Variants in ATP5F1C observed in about 807,000 individuals in gnomAD.
The protein encoded by ATP5F1C is ATP synthase F1 subunit gamma.
Under a neutral mutation model 37.4 loss-of-function variants are expected in ATP5F1C, and 22 were observed. The observed-to-expected ratio is 0.59, with a 90% CI of 0.42 to 0.84. The LOEUF (loss-of-function observed/expected upper bound fraction) is 0.84. ATP5F1C is among the 40% of genes least tolerant of loss of function. ATP5F1C has a pLI of 0.00. For synonymous variants in ATP5F1C, 121 were observed against 128.0 expected, an observed-to-expected ratio of 0.95 and a Z score of 0.37; for missense variants, 286 against 362.4, an observed-to-expected ratio of 0.79 and a Z score of 1.71.
Position 7,798,947 on chromosome 10 carries a change from T to A in ATP5F1C, c.224-43T>A, listed in dbSNP as rs745322141. The A allele has an allele frequency of 4.6e-6, 7 of 1,518,734 alleles. No individual in the cohort carries two copies. The East Asian group carries it at 1.6e-4, about 34-fold the overall frequency. The allele number at this position is 1,518,734 out of a possible 1,614,324, so 94.1% of individuals were successfully genotyped here. A position where few individuals can be genotyped will look rare whatever the true frequency, so the allele number is the denominator to read the frequency against. On this transcript the variant is annotated intron_variant, in intron 3 of 9. Coordinates refer to ENST00000356708, the MANE Select transcript of ATP5F1C (RefSeq NM_001001973.3). ...TAAATTAGAGATTTATTGTATTTAGTGTATTGCATATAAAAAAATTACTGC... is the reference window on the plus strand; with the variant it reads ...TAAATTAGAGATTTATTGTATTTAGAGTATTGCATATAAAAAAATTACTGC...
At chr10:7,800,795 G>A (rs1190393612) in intron 6 of ATP5F1C, among the ~76,000 whole-genome samples, 4 of 152,112 alleles carry the variant, frequency 2.6e-5, no homozygotes, top group South Asian at 2.1e-4. Flanking sequence ...GCACCCGGCC[G>A]ATCTGGGGCT....
At chr10:7,794,659 A>AT (rs1488238896) in intron 1 of ATP5F1C, among the ~76,000 whole-genome samples, 1 of 152,046 alleles carries the variant, frequency 6.6e-6, no homozygotes, top group East Asian at 1.9e-4. Context: ...ATATTATTTG[A>AT]TTTTTTAATA....
chr10:7,797,071 A>G lies in ATP5F1C; in HGVS notation c.116A>G (p.Lys39Arg), dbSNP rs780270262. ...KDITRRLKSI[K>R]NIQKITKSMK... ...GTCACCAGGAGACTAAAGTCCATCAAAAACATCCAGAAAATTACCAAGTCT... is the reference window on the plus strand; with the variant it reads ...GTCACCAGGAGACTAAAGTCCATCAGAAACATCCAGAAAATTACCAAGTCT... The change falls in exon 3 of 10, where the codon AAA becomes AGA. Residue 39 changes from lysine to arginine, a missense_variant. Physicochemically the swap from Lys to Arg is conservative, Grantham distance 26. Transcript: ENST00000356708. 1.9e-6 allele frequency: 3 copies of G among 1,614,080 alleles called. No homozygotes were observed. Among genetic ancestry groups the G allele is most frequent in the African/African-American group, 1.3e-5 (1 of 74,944 alleles).
At chr10:7,799,954 T>A in intron 5 of ATP5F1C, 39 bp downstream of exon 5, 4 of 1,606,960 alleles carry the variant, frequency 2.5e-6, no homozygotes, top group Non-Finnish European at 3.4e-6. Context: ...TTTATGTTCA[T>A]GCTTTTGTTC....
intron 1 of ATP5F1C, among the ~76,000 whole-genome samples, chr10:7,790,352 G>A (rs1249865750): frequency 6.6e-6 from 1 of 152,120 alleles, no homozygotes; most frequent in African/African-American, 2.4e-5. Flanking sequence ...ATAGTTGTTA[G>A]GGTATCGGCA....
At chr10:7,806,640 C>T (rs1002074161) in intron 8 of ATP5F1C, among the ~76,000 whole-genome samples, 1 of 145,584 alleles carries the variant, frequency 6.9e-6, no homozygotes, top group Non-Finnish European at 1.5e-5. Context: ...GGCAACAGAA[C>T]AAGACTCCAT....
chr10:7,798,810 C>A (rs1025074073), intron 3 of ATP5F1C, among the ~76,000 whole-genome samples, 180 bp from the exon 4 acceptor site: 2 of 152,232 alleles, frequency 1.3e-5, no homozygotes, highest in African/African-American at 4.8e-5. Context: ...GGATTACAGG[C>A]GTGAGCCACT....
intron 2 of ATP5F1C, chr10:7,796,749 TAATTTTTTGTATTTTTAG>T: frequency 5.5e-6 from 1 of 182,328 alleles, no homozygotes; most frequent in Non-Finnish European, 1.1e-5. Context: ...CACGCTCGGC[TAATTTTTTGTATTTTTAG>T]TGGAGACGGG....
intron 6 of ATP5F1C, among the ~76,000 whole-genome samples, 198 bp downstream of exon 6, chr10:7,800,289 G>A (rs1365116124): frequency 6.6e-6 from 1 of 152,058 alleles, no homozygotes; most frequent in Non-Finnish European, 1.5e-5. Flanking sequence ...TCCGCCTCCT[G>A]GGTTCACACC....
intron 3 of ATP5F1C, 107 bp downstream of exon 3, chr10:7,797,285 C>A (rs533654665): frequency 4.2e-5 from 59 of 1,407,472 alleles, no homozygotes; most frequent in Non-Finnish European, 5.4e-5. Flanking sequence ...TATCTGAGCA[C>A]TTGCCATGTA....
chr10:7,797,004 T>C (rs1169401016), intron 2 of ATP5F1C, 43 bp from the exon 3 acceptor site: 18 of 1,585,942 alleles, frequency 1.1e-5, no homozygotes, highest in Non-Finnish European at 1.5e-5. Flanking sequence ...AAGGAAGTTA[T>C]ACTGTAATTC....
At position 7,796,132 on chromosome 10, in the gene ATP5F1C, G is replaced by A. The variant is rs780211747; in HGVS notation, c.68G>A (p.Arg23Gln). 1.3e-5 allele frequency: 21 copies of A among 1,588,466 alleles called. 1 individual carries two copies. In the Middle Eastern group the frequency reaches 1.5e-3, roughly 113 times the overall value. The change falls in exon 2 of 10, where the codon CGA (arginine) becomes CAA (glutamine). Residue 23 changes from arginine (R) to glutamine (Q), a missense_variant. Transcript: ENST00000356708. ...ACTTTTATCCTCAGGATTCAAGTTC[G>A]AAATATGGCAACTTTGAAAGATAGT... The part of the protein sequence containing the change: ...WTLQPQWIQV[R>Q]NMATLKDITR...
chr10:7,799,901 C>G lies in ATP5F1C; in HGVS notation c.558C>G (p.Ile186Met). ...SGYEFDEGSIIFNKFRSVISY... is the reference protein window; with the variant it reads ...SGYEFDEGSIMFNKFRSVISY... ...ATGAATTTGATGAAGGCTCCATCAT[C>G]TTTAATAAATTCAGGCAAGACAGAT... The change falls in exon 5 of 10, where the codon ATC becomes ATG. Residue 186 changes from isoleucine to methionine, a missense_variant. Physicochemically the swap from Ile to Met is conservative, Grantham distance 10. Coordinates refer to ENST00000356708, the MANE Select transcript of ATP5F1C (RefSeq NM_001001973.3). The G allele has an allele frequency of 6.2e-7, 1 of 1,613,666 alleles. No homozygotes were observed. Among genetic ancestry groups the G allele is most frequent in the Non-Finnish European group, 8.5e-7 (1 of 1,179,830 alleles).
chr10:7,797,873 AGAGAT>A (rs902399245), intron 3 of ATP5F1C, among the ~76,000 whole-genome samples: 1 of 152,214 alleles, frequency 6.6e-6, no homozygotes, highest in Admixed American at 6.5e-5. Context: ...TTAATGGAAA[AGAGAT>A]GAGATATGAC....
chr10:7,806,184 A>G (rs377705881), intron 8 of ATP5F1C, among the ~76,000 whole-genome samples: 4 of 152,258 alleles, frequency 2.6e-5, no homozygotes, highest in East Asian at 3.8e-4. Context: ...TTGCTTGTGA[A>G]TGGGTTTGCA....
chr10:7,804,102 C>T, intron 8 of ATP5F1C: 1 of 518,978 alleles, frequency 1.9e-6, no homozygotes, highest in South Asian at 1.4e-5. Flanking sequence ...ACAGAGGTTG[C>T]TAAACTGTGG....
At chr10:7,789,978 T>G (rs1481926126) in intron 1 of ATP5F1C, among the ~76,000 whole-genome samples, 1 of 152,258 alleles carries the variant, frequency 6.6e-6, no homozygotes, top group African/African-American at 2.4e-5. Context: ...CCCTTTGGAA[T>G]ATTGGTTTTA....
At chr10:7,806,484 G>A (rs1452788376) in intron 8 of ATP5F1C, among the ~76,000 whole-genome samples, 3 of 151,954 alleles carry the variant, frequency 2.0e-5, no homozygotes, top group African/African-American at 7.3e-5. Flanking sequence ...GCAAAACCCC[G>A]TCTCTACTAA....
intron 6 of ATP5F1C, among the ~76,000 whole-genome samples, chr10:7,801,136 C>T (rs974802030): frequency 2.0e-5 from 3 of 152,126 alleles, no homozygotes; most frequent in Admixed American, 2.0e-4. Flanking sequence ...TATTCTGGAA[C>T]TGATTTTAGT....
Sources: gnomAD v4.1 joint callset for allele counts (sites outside exome capture counted in the v4.1 genomes callset) on GRCh38, gnomAD v4.1.1 for gene constraint, MANE v1.5 for transcripts, NCBI Gene and HGNC (gene_info 2026-07-23, HGNC 2026-07-21) for gene names.